Variants in ALK observed in about 807,000 individuals in gnomAD.
ALK encodes the protein ALK receptor tyrosine kinase.
In ALK, 74 loss-of-function variants were observed where a neutral mutation model predicts 163.1. The ratio of observed to expected loss-of-function variants is 0.45; its 90% CI spans 0.38 to 0.55. The LOEUF (loss-of-function observed/expected upper bound fraction) is 0.55. Ranked by LOEUF, ALK falls within the 20% of genes least tolerant of loss-of-function variation. ALK has a pLI of 0.00. For synonymous variants in ALK, 960 were observed against 843.2 expected, an observed-to-expected ratio of 1.14 and a Z score of -2.40; for missense variants, 2,063 against 2,105.3, an observed-to-expected ratio of 0.98 and a Z score of 0.39.
Position 29,434,770 on chromosome 2 carries a change from C to T in ALK, c.1155-50911G>A, listed in dbSNP as rs952701141. Among the ~76,000 whole-genome samples, 6 of 152,172 alleles carry T rather than the reference C, an allele frequency of 3.9e-5. 1 individual carries two copies. Among genetic ancestry groups the T allele is most frequent in the African/African-American group, 1.4e-4 (6 of 41,430 alleles). ...AATAACCACTTTCAATGGAGGCTCGCCTTTCAATTCTAATGGACATTGCTG... is the reference window on the plus strand; with the variant it reads ...AATAACCACTTTCAATGGAGGCTCGTCTTTCAATTCTAATGGACATTGCTG... On this transcript the variant is annotated intron_variant, in intron 4 of 28. Transcript: ENST00000389048.
At chr2:29,194,387 G>C (rs975784293) in intron 28 of ALK, among the ~76,000 whole-genome samples, 13 of 152,142 alleles carry the variant, frequency 8.5e-5, no homozygotes, top group African/African-American at 3.1e-4. Flanking sequence ...TTGGCCTACA[G>C]GGTTTATTTT....
intron 1 of ALK, among the ~76,000 whole-genome samples, chr2:29,760,729 A>C (rs1158043878): frequency 2.0e-5 from 3 of 152,152 alleles, no homozygotes; most frequent in Non-Finnish European, 1.5e-5. Flanking sequence ...ATTACTACTA[A>C]TTTTTATTTG....
At chr2:29,302,298 AC>A (rs1233770084) in intron 8 of ALK, among the ~76,000 whole-genome samples, 2 of 152,192 alleles carry the variant, frequency 1.3e-5, no homozygotes, top group East Asian at 3.8e-4. Context: ...CAGGTGGATC[AC>A]CTGAGGTCAG....
intron 3 of ALK, among the ~76,000 whole-genome samples, chr2:29,594,582 C>A (rs1227254201): frequency 6.6e-6 from 1 of 151,916 alleles, no homozygotes; most frequent in Non-Finnish European, 1.5e-5. Flanking sequence ...GTGTGCACTA[C>A]CATGCTTGGC....
intron 1 of ALK, among the ~76,000 whole-genome samples, chr2:29,875,139 C>G (rs951254564): frequency 1.3e-5 from 2 of 152,032 alleles, no homozygotes; most frequent in Non-Finnish European, 2.9e-5. Context: ...GATGAAAGAA[C>G]AAACAAAATG....
chr2:29,846,255 C>T (rs1032288418), intron 1 of ALK, among the ~76,000 whole-genome samples: 9 of 152,324 alleles, frequency 5.9e-5, no homozygotes, highest in Admixed American at 5.9e-4. Flanking sequence ...ACTTGCCCCC[C>T]CACCTGACCG....
chr2:29,500,160 T>G (rs1352933026), intron 4 of ALK, among the ~76,000 whole-genome samples: 2 of 152,130 alleles, frequency 1.3e-5, no homozygotes, highest in Non-Finnish European at 2.9e-5. Context: ...CCAAATCTCA[T>G]GTGGAATTGT....
intron 3 of ALK, among the ~76,000 whole-genome samples, chr2:29,538,730 AT>A (rs1021747151): frequency 4.6e-5 from 7 of 151,728 alleles, no homozygotes; most frequent in East Asian, 1.9e-4. Flanking sequence ...ACACTGGAAA[AT>A]TTTTTTTTAA....
chr2:29,544,790 C>T (rs1673510478), intron 3 of ALK, among the ~76,000 whole-genome samples: 1 of 152,020 alleles, frequency 6.6e-6, no homozygotes, highest in Non-Finnish European at 1.5e-5. Flanking sequence ...CCTGAGGAGA[C>T]TTAAAAATGC....
At chr2:29,761,910 A>G (rs913591139) in intron 1 of ALK, among the ~76,000 whole-genome samples, 27 of 152,244 alleles carry the variant, frequency 1.8e-4, no homozygotes, top group African/African-American at 6.5e-4. Context: ...TAGATGGTTT[A>G]TTTAAAAATC....
chr2:29,626,629 T>C (rs1452686790), intron 3 of ALK, among the ~76,000 whole-genome samples: 1 of 152,104 alleles, frequency 6.6e-6, no homozygotes, highest in African/African-American at 2.4e-5. Context: ...GAGGAAGTGA[T>C]CAGAACTGGC....
At chr2:29,225,990 G>A (rs1663973501) in intron 18 of ALK, among the ~76,000 whole-genome samples, 1 of 152,132 alleles carries the variant, frequency 6.6e-6, no homozygotes, top group South Asian at 2.1e-4. Flanking sequence ...CAGTGGGGAG[G>A]GGTCCTGTGC....
intron 4 of ALK, among the ~76,000 whole-genome samples, chr2:29,418,896 T>C (rs576096658): frequency 6.8e-6 from 1 of 147,736 alleles, no homozygotes; most frequent in African/African-American, 2.7e-5. Flanking sequence ...TATATATTCA[T>C]TCATCATTGA....
chr2:29,812,270 A>C (rs1165286671), intron 1 of ALK, among the ~76,000 whole-genome samples: 2 of 152,158 alleles, frequency 1.3e-5, no homozygotes, highest in Non-Finnish European at 2.9e-5. Flanking sequence ...TAAATGTTTA[A>C]CAACCAGCTT....
chr2:29,266,351 A>G (rs1193563297), intron 11 of ALK, among the ~76,000 whole-genome samples: 1 of 152,226 alleles, frequency 6.6e-6, no homozygotes, highest in Non-Finnish European at 1.5e-5. Flanking sequence ...AAGAGTGTGC[A>G]GCTCATAGAA....
At chr2:29,892,065 T>C (rs1667161317) in intron 1 of ALK, among the ~76,000 whole-genome samples, 1 of 152,176 alleles carries the variant, frequency 6.6e-6, no homozygotes, top group Non-Finnish European at 1.5e-5. Flanking sequence ...AAATATTCAG[T>C]CTTACCTACT....
chr2:29,342,752 C>T (rs1215466028), intron 5 of ALK, among the ~76,000 whole-genome samples: 1 of 152,068 alleles, frequency 6.6e-6, no homozygotes, highest in Admixed American at 6.6e-5. Context: ...TCTTTTAAAT[C>T]CCCTTTCTGT....
At chr2:29,322,792 C>T (rs1667107351) in intron 6 of ALK, among the ~76,000 whole-genome samples, 1 of 152,210 alleles carries the variant, frequency 6.6e-6, no homozygotes, top group Non-Finnish European at 1.5e-5. Context: ...CAAGATTGTG[C>T]CACTGCACTC....
chr2:29,434,768 C>T (rs1299051939), intron 4 of ALK, among the ~76,000 whole-genome samples: 4 of 152,172 alleles, frequency 2.6e-5, no homozygotes, highest in East Asian at 3.9e-4. Context: ...AATGGAGGCT[C>T]GCCTTTCAAT....
Sources: gnomAD v4.1 joint callset for allele counts (sites outside exome capture counted in the v4.1 genomes callset) on GRCh38, gnomAD v4.1.1 for gene constraint, MANE v1.5 for transcripts, NCBI Gene and HGNC (gene_info 2026-07-23, HGNC 2026-07-21) for gene names.